TENT5A: variants seen among roughly 807,000 people sequenced by gnomAD.
TENT5A encodes terminal nucleotidyltransferase 5A, also known as HBV X-transactivated gene 11 protein.
Under a neutral mutation model 30.2 loss-of-function variants are expected in TENT5A, and 9 were observed. That is an observed-to-expected ratio of 0.30 (90% CI 0.18 to 0.52). The LOEUF is 0.52. Ranked by LOEUF, TENT5A falls within the 20% of genes least tolerant of loss-of-function variation. The pLI is 0.97. For missense variants in TENT5A, 411 were observed against 566.1 expected (o/e 0.73, Z 2.78); for synonymous variants, 264 against 234.2 (o/e 1.13, Z -1.16).
At position 81,746,870 on chromosome 6, in the gene TENT5A, G is replaced by T; in HGVS notation, c.*2825C>A. 1 of 1,103,104 alleles carries T rather than the reference G, an allele frequency of 9.1e-7. No homozygotes were observed. The allele number at this position is 1,103,104 out of a possible 1,614,324, so 68.3% of individuals were successfully genotyped here. A position where few individuals can be genotyped will look rare whatever the true frequency, so the allele number is the denominator to read the frequency against. ...TTTCACTGTGTGTTCAACTACATATGCACAAGACTATAGTACACACAAAAT... is the reference window on the plus strand; with the variant it reads ...TTTCACTGTGTGTTCAACTACATATTCACAAGACTATAGTACACACAAAAT... On this transcript the variant is annotated 3_prime_UTR_variant, in exon 3 of 3. Coordinates refer to ENST00000320172, the MANE Select transcript of TENT5A (RefSeq NM_017633.3).
Position 81,749,692 on chromosome 6 carries a change from T to C in TENT5A, c.*3A>G, listed in dbSNP as rs769514314. 4 of 1,608,604 alleles carry C rather than the reference T, an allele frequency of 2.5e-6. No homozygotes were observed. The highest frequency in any genetic ancestry group is 3.3e-5 in the Admixed American group (2 of 59,714). On this transcript the variant is annotated 3_prime_UTR_variant, in exon 3 of 3. Transcript: ENST00000320172. ...TTCCCCACAGGACATTTTTAAATGATTCTTAATTGCAGGGTAGCCAAGTGG... is the reference window on the plus strand; with the variant it reads ...TTCCCCACAGGACATTTTTAAATGACTCTTAATTGCAGGGTAGCCAAGTGG...
chr6:81,746,068 T>C lies in TENT5A; in HGVS notation c.*3627A>G, dbSNP rs1270728939. 1.0e-6 allele frequency: 1 copy of C among 985,594 alleles called. No individual in the cohort carries two copies. The highest frequency in any genetic ancestry group is 1.1e-4 in the East Asian group (1 of 8,834). 61.1% of individuals were successfully genotyped at this position (985,594 alleles called of 1,614,324 possible). On this transcript the variant is annotated 3_prime_UTR_variant, in exon 3 of 3. Coordinates refer to ENST00000320172, the MANE Select transcript of TENT5A (RefSeq NM_017633.3). ...TCTTCCAACTTTGTACTTTACCATT[T>C]GCTTTGTTAGAAAGCCATTATTTTA...
chr6:81,747,013 A>C lies in TENT5A; in HGVS notation c.*2682T>G. The C allele has an allele frequency of 2.0e-6, 2 of 986,270 alleles. No homozygotes were observed. The highest frequency in any genetic ancestry group is 2.4e-6 in the Non-Finnish European group (2 of 830,268). The allele number at this position is 986,270 out of a possible 1,614,324, so 61.1% of individuals were successfully genotyped here. ...CAACTAAGCTACCAACCCTGAAGTA[A>C]GCAAGAAAAGAATATAAATATTTAA... On this transcript the variant is annotated 3_prime_UTR_variant, in exon 3 of 3. Transcript: ENST00000320172.
In TENT5A at chr6:81,751,932, T is replaced by C; in HGVS notation, c.210A>G (p.Gln70=). ...TCAGGATGCCGTCCAGCCGCTGCACTTGCTCCCAGTTCAGCACATTGCAGT... is the reference window on the plus strand; with the variant it reads ...TCAGGATGCCGTCCAGCCGCTGCACCTGCTCCCAGTTCAGCACATTGCAGT... ...TAHCNVLNWE[Q]VQRLDGILSE... The change falls in exon 2 of 3, where the codon CAA becomes CAG. Residue 70 remains glutamine, a synonymous_variant. Coordinates refer to ENST00000320172, the MANE Select transcript of TENT5A (RefSeq NM_017633.3). 6.2e-7 allele frequency: 1 copy of C among 1,611,830 alleles called. No individual in the cohort carries two copies. Among genetic ancestry groups the C allele is most frequent in the South Asian group, 1.1e-5 (1 of 91,020 alleles).
chr6:81,746,099 A>C lies in TENT5A; in HGVS notation c.*3596T>G, dbSNP rs1301687541. On this transcript the variant is annotated 3_prime_UTR_variant, in exon 3 of 3. Coordinates refer to ENST00000320172, the MANE Select transcript of TENT5A (RefSeq NM_017633.3). ...GTTAGAAAGCCATTATTTTAACAAA[A>C]TATAACATAGAGATTCTTTCTTAGC... is the stretch of plus-strand genomic sequence containing the variant. 2 of 982,318 alleles carry C rather than the reference A, an allele frequency of 2.0e-6. No individual in the cohort carries two copies. The highest frequency in any genetic ancestry group is 2.4e-6 in the Non-Finnish European group (2 of 826,588). The allele number at this position is 982,318 out of a possible 1,614,324, so 60.9% of individuals were successfully genotyped here.
chr6:81,752,582 C>G lies in TENT5A; in HGVS notation c.-189G>C. ...GCCTGCGCTCACCACTCCCTCCCCG[C>G]GACCCCTCCTGCGCCGCTGCCACCC... On this transcript the variant is annotated 5_prime_UTR_variant, in exon 1 of 3. Transcript: ENST00000320172. The G allele has an allele frequency of 1.2e-6, 1 of 839,550 alleles. No homozygotes were observed. The highest frequency in any genetic ancestry group is 2.0e-6 in the Non-Finnish European group (1 of 497,428). 52.0% of individuals were successfully genotyped at this position (839,550 alleles called of 1,614,324 possible).
At position 81,749,395 on chromosome 6, in the gene TENT5A, C is replaced by T. The variant is rs1342527111; in HGVS notation, c.*300G>A. 1 of 1,132,814 alleles carries T rather than the reference C, an allele frequency of 8.8e-7. No individual in the cohort carries two copies. The highest frequency in any genetic ancestry group is 1.1e-6 in the Non-Finnish European group (1 of 925,176). 70.2% of individuals were successfully genotyped at this position (1,132,814 alleles called of 1,614,324 possible). A position where few individuals can be genotyped will look rare whatever the true frequency, so the allele number is the denominator to read the frequency against. Reference sequence around the variant, plus strand: ...ACAGCAAACCCATATTGTCATCACACATTTCTTCTCTTGTATCAGGAGAAC... The same window carrying T: ...ACAGCAAACCCATATTGTCATCACATATTTCTTCTCTTGTATCAGGAGAAC... On this transcript the variant is annotated 3_prime_UTR_variant, in exon 3 of 3. Transcript: ENST00000320172.
rs1259302177 is a variant in TENT5A, at chr6:81,752,678, G to A, written c.-285C>T. ...TCGTGTCTCTGGAGCTTTAGCAGTTGTGCGGGGAAAATGTCTTCAGTACTT... is the reference window on the plus strand; with the variant it reads ...TCGTGTCTCTGGAGCTTTAGCAGTTATGCGGGGAAAATGTCTTCAGTACTT... On this transcript the variant is annotated 5_prime_UTR_variant, in exon 1 of 3. Coordinates refer to ENST00000320172, the MANE Select transcript of TENT5A (RefSeq NM_017633.3). 9 of 717,768 alleles carry A rather than the reference G, an allele frequency of 1.3e-5. No homozygotes were observed. Among genetic ancestry groups the A allele is most frequent in the Non-Finnish European group, 2.1e-5 (8 of 385,384 alleles). 44.5% of individuals were successfully genotyped at this position (717,768 alleles called of 1,614,324 possible).
In TENT5A at chr6:81,748,652, T is replaced by TAC. The variant is rs990894795; in HGVS notation, c.*1041_*1042dup. 2 of 911,212 alleles carry TAC rather than the reference T, an allele frequency of 2.2e-6. No individual in the cohort carries two copies. The highest frequency in any genetic ancestry group is 1.8e-5 in the African/African-American group (1 of 55,726). The allele number at this position is 911,212 out of a possible 1,614,324, so 56.4% of individuals were successfully genotyped here. On this transcript the variant is annotated 3_prime_UTR_variant, in exon 3 of 3. Coordinates refer to ENST00000320172, the MANE Select transcript of TENT5A (RefSeq NM_017633.3). ...AAAATGTATATATAAAATGTATATA[T>TAC]ACACACACACATATAATTTATACAC...
In TENT5A at chr6:81,749,537, A is replaced by T; in HGVS notation, c.*158T>A. The T allele has an allele frequency of 7.2e-7, 1 of 1,397,670 alleles. No homozygotes were observed. The highest frequency in any genetic ancestry group is 9.3e-7 in the Non-Finnish European group (1 of 1,080,598). 86.6% of individuals were successfully genotyped at this position (1,397,670 alleles called of 1,614,324 possible). ...ATCATGCTCCCACATCTATTAAAAG[A>T]TACATAAGCTTTGCCAAACTTAAAA... On this transcript the variant is annotated 3_prime_UTR_variant, in exon 3 of 3. Transcript: ENST00000320172.
At position 81,748,462 on chromosome 6, in the gene TENT5A, T is replaced by C; in HGVS notation, c.*1233A>G. 1 of 981,768 alleles carries C rather than the reference T, an allele frequency of 1.0e-6. No homozygotes were observed. The highest frequency in any genetic ancestry group is 1.2e-6 in the Non-Finnish European group (1 of 826,844). The allele number at this position is 981,768 out of a possible 1,614,324, so 60.8% of individuals were successfully genotyped here. ...CTTCCTATGAAATATATTACTTGGT[T>C]CCCTCCTTCATTTAATTTTTTTAGA... On this transcript the variant is annotated 3_prime_UTR_variant, in exon 3 of 3. Coordinates refer to ENST00000320172, the MANE Select transcript of TENT5A (RefSeq NM_017633.3).
Position 81,748,044 on chromosome 6 carries a change from AAT to A in TENT5A, c.*1649_*1650del. ...ACATGATTTATAAAATGTTATATAT[AAT>A]ATATATCTCATATATAAATTTTAAG... On this transcript the variant is annotated 3_prime_UTR_variant, in exon 3 of 3. Transcript: ENST00000320172. 1 of 939,884 alleles carries A rather than the reference AAT, an allele frequency of 1.1e-6. No homozygotes were observed. Among genetic ancestry groups the A allele is most frequent in the Non-Finnish European group, 1.3e-6 (1 of 788,330 alleles). 58.2% of individuals were successfully genotyped at this position (939,884 alleles called of 1,614,324 possible).
In TENT5A at chr6:81,750,570, C is replaced by T. The variant is rs1769011624; in HGVS notation, c.553-99G>A. 2.5e-6 allele frequency: 2 copies of T among 805,402 alleles called. No homozygotes were observed. The highest frequency in any genetic ancestry group is 1.8e-6 in the Non-Finnish European group (1 of 540,734). 49.9% of individuals were successfully genotyped at this position (805,402 alleles called of 1,614,324 possible). A position where few individuals can be genotyped will look rare whatever the true frequency, so the allele number is the denominator to read the frequency against. On this transcript the variant is annotated intron_variant, in intron 2 of 2. Coordinates refer to ENST00000320172, the MANE Select transcript of TENT5A (RefSeq NM_017633.3). The surrounding 1 kb of genome is among the most constrained non-coding windows in gnomAD (Gnocchi z 4.2). Reference sequence around the variant, plus strand: ...ACAGCTGAGAATTATTTTGCTCTTTCCCTTTTGTTTTGTCAAGTTTCAGCC... The same window carrying T: ...ACAGCTGAGAATTATTTTGCTCTTTTCCTTTTGTTTTGTCAAGTTTCAGCC...
rs1768980412 is a variant in TENT5A at position 81,749,441 on chromosome 6, GTC to G, written c.*252_*253del. Reference sequence around the variant, plus strand: ...AGAACCTGGTTGCTTCTAATGACAGGTCTCTCTTTTTTTGCAGGATAGAATCC... The same window carrying G: ...AGAACCTGGTTGCTTCTAATGACAGGTCTCTTTTTTTGCAGGATAGAATCC... On this transcript the variant is annotated 3_prime_UTR_variant, in exon 3 of 3. Transcript: ENST00000320172. 1.3e-5 allele frequency: 16 copies of G among 1,227,870 alleles called. No homozygotes were observed. The highest frequency in any genetic ancestry group is 1.5e-5 in the Non-Finnish European group (15 of 983,890). 76.1% of individuals were successfully genotyped at this position (1,227,870 alleles called of 1,614,324 possible). A position where few individuals can be genotyped will look rare whatever the true frequency, so the allele number is the denominator to read the frequency against.
rs1768890941 is a variant in TENT5A, at chr6:81,746,603, C to T, written c.*3092G>A. On this transcript the variant is annotated 3_prime_UTR_variant, in exon 3 of 3. Transcript: ENST00000320172. Reference sequence around the variant, plus strand: ...AAATTAAGTAAACCTTTAAAAACGGCATTGTCACAGGCTATGTGTTCTCTG... The same window carrying T: ...AAATTAAGTAAACCTTTAAAAACGGTATTGTCACAGGCTATGTGTTCTCTG... The T allele has an allele frequency of 2.4e-6, 3 of 1,231,898 alleles. No homozygotes were observed. The African/African-American group carries it at 4.7e-5, about 19-fold the overall frequency. 76.3% of individuals were successfully genotyped at this position (1,231,898 alleles called of 1,614,324 possible).
rs1201421760 is a variant in TENT5A, at chr6:81,752,590, C to T, written c.-197G>A. The stretch of plus-strand genomic sequence containing the variant: ...TCACCACTCCCTCCCCGCGACCCCT[C>T]CTGCGCCGCTGCCACCCCAGCTGCG... On this transcript the variant is annotated 5_prime_UTR_variant, in exon 1 of 3. Transcript: ENST00000320172. 2.5e-6 allele frequency: 2 copies of T among 799,254 alleles called. No individual in the cohort carries two copies. Among genetic ancestry groups the T allele is most frequent in the African/African-American group, 1.7e-5 (1 of 58,912 alleles). 49.5% of individuals were successfully genotyped at this position (799,254 alleles called of 1,614,324 possible). A position where few individuals can be genotyped will look rare whatever the true frequency, so the allele number is the denominator to read the frequency against.
intron 2 of TENT5A, among the ~76,000 whole-genome samples, chr6:81,751,210 T>C (rs1485366717): frequency 6.6e-6 from 1 of 152,226 alleles, no homozygotes; most frequent in Non-Finnish European, 1.5e-5. Flanking sequence ...GGCTGTTATT[T>C]TCCCAAAGGC....
chr6:81,748,528 G>A lies in TENT5A; in HGVS notation c.*1167C>T, dbSNP rs1223498865. On this transcript the variant is annotated 3_prime_UTR_variant, in exon 3 of 3. Transcript: ENST00000320172. ...TCATTGCAATATGCCCACGTCTCAT[G>A]TTATCCTGTTGAAAACATAAAAACA... is the stretch of plus-strand genomic sequence containing the variant. The A allele has an allele frequency of 2.0e-6, 2 of 982,008 alleles. No individual in the cohort carries two copies. Among genetic ancestry groups the A allele is most frequent in the African/African-American group, 3.5e-5 (2 of 56,966 alleles). The allele number at this position is 982,008 out of a possible 1,614,324, so 60.8% of individuals were successfully genotyped here.
Position 81,747,633 on chromosome 6 carries a change from G to T in TENT5A, c.*2062C>A, listed in dbSNP as rs1173300109. The T allele has an allele frequency of 9.1e-6, 9 of 985,694 alleles. No individual in the cohort carries two copies. The highest frequency in any genetic ancestry group is 9.6e-6 in the Non-Finnish European group (8 of 829,862). 61.1% of individuals were successfully genotyped at this position (985,694 alleles called of 1,614,324 possible). A position where few individuals can be genotyped will look rare whatever the true frequency, so the allele number is the denominator to read the frequency against. ...CAGGAGGATATTTTTTTCTCCCGTGGTCTCTCTTTAACTGATGATGAAAAT... is the reference window on the plus strand; with the variant it reads ...CAGGAGGATATTTTTTTCTCCCGTGTTCTCTCTTTAACTGATGATGAAAAT... On this transcript the variant is annotated 3_prime_UTR_variant, in exon 3 of 3. Coordinates refer to ENST00000320172, the MANE Select transcript of TENT5A (RefSeq NM_017633.3).
Sources: gnomAD v4.1 joint callset for allele counts (sites outside exome capture counted in the v4.1 genomes callset) on GRCh38, gnomAD v4.1.1 for gene constraint, Gnocchi (gnomAD v3.1) non-coding constraint, MANE v1.5 for transcripts, NCBI Gene and HGNC (gene_info 2026-07-23, HGNC 2026-07-21) for gene names.